UBASH3B: variants seen among roughly 807,000 people sequenced by gnomAD.
The protein encoded by UBASH3B is ubiquitin-associated and SH3 domain-containing protein B.
Under a neutral mutation model 83.4 loss-of-function variants are expected in UBASH3B, and 37 were observed. That is an observed-to-expected ratio of 0.44 (90% CI 0.34 to 0.58). The LOEUF is 0.58. UBASH3B is among the 20% of genes least tolerant of loss of function. UBASH3B has a pLI of 0.01. For missense variants in UBASH3B, 657 were observed against 827.2 expected (o/e 0.79, Z 2.52); for synonymous variants, 304 against 318.3 (o/e 0.96, Z 0.48).
chr11:122,805,875 C>G (rs1861332334), intron 11 of UBASH3B, among the ~76,000 whole-genome samples: 1 of 152,210 alleles, frequency 6.6e-6, no homozygotes, highest in Non-Finnish European at 1.5e-5. Flanking sequence ...ATTGAGTGGT[C>G]TTCATCTTTA....
Position 122,783,515 on chromosome 11 carries a change from A to T in UBASH3B, c.771+293A>T, listed in dbSNP as rs143920408. Among the ~76,000 whole-genome samples, 450 of 152,316 alleles carry T rather than the reference A, an allele frequency of 3.0e-3. 1 individual carries two copies. The highest frequency in any genetic ancestry group is 9.8e-3 in the African/African-American group (409 of 41,566). ...AGAAATGAAATGGGAGAGAATAAAT[A>T]AAAAATATATTGGAAAATTTTTAAT... On this transcript the variant is annotated intron_variant, in intron 5 of 13. Coordinates refer to ENST00000284273, the MANE Select transcript of UBASH3B (RefSeq NM_032873.5).
At chr11:122,736,268 C>G (rs1345282555) in intron 1 of UBASH3B, among the ~76,000 whole-genome samples, 1 of 152,066 alleles carries the variant, frequency 6.6e-6, no homozygotes, top group African/African-American at 2.4e-5. Flanking sequence ...TCTCGGTGTT[C>G]TTTCATTTCT....
At chr11:122,724,867 G>T (rs1448259222) in intron 1 of UBASH3B, among the ~76,000 whole-genome samples, 1 of 152,120 alleles carries the variant, frequency 6.6e-6, no homozygotes, top group Admixed American at 6.6e-5. Flanking sequence ...CATGCCAAGG[G>T]ATGAGGACTT....
chr11:122,759,933 G>C lies in UBASH3B; in HGVS notation c.162-16286G>C, dbSNP rs1383181874. Among the ~76,000 whole-genome samples, 4 of 152,116 alleles carry C rather than the reference G, an allele frequency of 2.6e-5. No homozygotes were observed. The highest frequency in any genetic ancestry group is 5.9e-5 in the Non-Finnish European group (4 of 68,024). On this transcript the variant is annotated intron_variant, in intron 1 of 13. Transcript: ENST00000284273. The surrounding 1 kb of genome is among the most constrained non-coding windows in gnomAD (Gnocchi z 4.1). ...CTTTGCCATATAGAGGTAAGTCATA[G>C]GTCTCACCTACACTTGAGGGGAGGG...
chr11:122,751,072 C>T lies in UBASH3B; in HGVS notation c.162-25147C>T, dbSNP rs563260725. 3.1e-4 allele frequency among the ~76,000 whole-genome samples: 47 copies of T among 151,846 alleles called. 1 individual carries two copies. In the South Asian group the frequency reaches 8.6e-3, roughly 28 times the overall value. On this transcript the variant is annotated intron_variant, in intron 1 of 13. Coordinates refer to ENST00000284273, the MANE Select transcript of UBASH3B (RefSeq NM_032873.5). ...CAGGTAGGCGGAAAGAACCGTACCACGCGCCTGGGTTTTGGGCCATGTTGT... is the reference window on the plus strand; with the variant it reads ...CAGGTAGGCGGAAAGAACCGTACCATGCGCCTGGGTTTTGGGCCATGTTGT...
chr11:122,764,170 A>G (rs1860493645), intron 1 of UBASH3B, among the ~76,000 whole-genome samples: 1 of 152,238 alleles, frequency 6.6e-6, no homozygotes, highest in Non-Finnish European at 1.5e-5. Flanking sequence ...TATTCTTAAT[A>G]TCCATGAGAA....
intron 1 of UBASH3B, among the ~76,000 whole-genome samples, chr11:122,767,593 G>A (rs1330123775): frequency 2.0e-5 from 3 of 152,224 alleles, no homozygotes; most frequent in Non-Finnish European, 4.4e-5. Flanking sequence ...TTACAGGCGT[G>A]AGCCACCACG....
intron 11 of UBASH3B, among the ~76,000 whole-genome samples, chr11:122,803,544 TG>T (rs150596609): frequency 0.029 from 4,372 of 151,932 alleles, 215 homozygotes; most frequent in African/African-American, 0.099. Flanking sequence ...GCCCAGGGCC[TG>T]GGGGGGTTGA....
At chr11:122,773,916 G>T (rs1860690174) in intron 1 of UBASH3B, 4 of 927,078 alleles carry the variant, frequency 4.3e-6, no homozygotes, top group Non-Finnish European at 5.1e-6. Flanking sequence ...ATAGCACATT[G>T]TCTGGTGCCA....
At chr11:122,682,499 C>G (rs1254082196) in intron 1 of UBASH3B, among the ~76,000 whole-genome samples, 1 of 152,200 alleles carries the variant, frequency 6.6e-6, no homozygotes, top group Non-Finnish European at 1.5e-5. Flanking sequence ...TCTGCCTTTC[C>G]CGAGTTTGTA....
chr11:122,662,180 T>G (rs1565520480), intron 1 of UBASH3B, among the ~76,000 whole-genome samples: 1 of 152,030 alleles, frequency 6.6e-6, no homozygotes, highest in Non-Finnish European at 1.5e-5. Flanking sequence ...GTGCTGGGAT[T>G]ACAGGTGGGA....
chr11:122,666,280 C>T (rs1256180476), intron 1 of UBASH3B, among the ~76,000 whole-genome samples: 1 of 152,242 alleles, frequency 6.6e-6, no homozygotes, highest in African/African-American at 2.4e-5. Flanking sequence ...TATTCCTTTA[C>T]CTTAGGAAGA....
chr11:122,792,817 C>A (rs1028705633), intron 6 of UBASH3B, among the ~76,000 whole-genome samples: 2 of 152,156 alleles, frequency 1.3e-5, no homozygotes, highest in African/African-American at 2.4e-5. Context: ...GTTCCTGGGT[C>A]CCACCCCTGA....
chr11:122,677,423 C>T (rs1460459001), intron 1 of UBASH3B, among the ~76,000 whole-genome samples: 3 of 152,144 alleles, frequency 2.0e-5, no homozygotes, highest in African/African-American at 7.2e-5. Context: ...ATTCCCATCT[C>T]GAGGCAGAAT....
chr11:122,791,523 G>A (rs1861053963), intron 6 of UBASH3B, among the ~76,000 whole-genome samples: 1 of 152,152 alleles, frequency 6.6e-6, no homozygotes, highest in Non-Finnish European at 1.5e-5. Context: ...CTCACTTAGT[G>A]CTCATCAAAG....
intron 4 of UBASH3B, 75 bp downstream of exon 4, chr11:122,779,770 G>C: frequency 6.4e-7 from 1 of 1,566,924 alleles, no homozygotes; most frequent in Non-Finnish European, 8.7e-7. Context: ...ATAGGAAATA[G>C]TGGTAGAGGA....
At chr11:122,795,619 T>C (rs923426855) in intron 7 of UBASH3B, among the ~76,000 whole-genome samples, 1 of 152,218 alleles carries the variant, frequency 6.6e-6, no homozygotes, top group Non-Finnish European at 1.5e-5. Context: ...ATCATATATA[T>C]AGTCAGACAG....
At chr11:122,658,945 G>A (rs566070719) in intron 1 of UBASH3B, among the ~76,000 whole-genome samples, 1 of 152,304 alleles carries the variant, frequency 6.6e-6, no homozygotes, top group South Asian at 2.1e-4. Flanking sequence ...CAGCAGGGCC[G>A]TGCTCCCTCT....
intron 1 of UBASH3B, among the ~76,000 whole-genome samples, chr11:122,657,303 A>C (rs1245111714): frequency 6.6e-6 from 1 of 151,266 alleles, no homozygotes; most frequent in African/African-American, 2.4e-5. Flanking sequence ...TTATTTATGT[A>C]TTTATTTTTC....
Sources: gnomAD v4.1 joint callset for allele counts (sites outside exome capture counted in the v4.1 genomes callset) on GRCh38, gnomAD v4.1.1 for gene constraint, Gnocchi (gnomAD v3.1) non-coding constraint, MANE v1.5 for transcripts, NCBI Gene and HGNC (gene_info 2026-07-23, HGNC 2026-07-21) for gene names.